The following CLDN14 variants were observed in gnomAD, a reference collection of about 807,000 sequenced individuals.
CLDN14 encodes the protein claudin 14.
CLDN14 carries 2 observed loss-of-function variants against 2.1 expected under a neutral mutation model. That is an observed-to-expected ratio of 0.96 (90% CI 0.39 to 3.01). The LOEUF (loss-of-function observed/expected upper bound fraction) is 3.01. Among genes scored for constraint, CLDN14 ranks in the 30% most tolerant of loss-of-function variants. The pLI is 0.09. For missense variants in CLDN14, 298 were observed against 328.0 expected, an observed-to-expected ratio of 0.91 and a Z score of 0.71; for synonymous variants, 136 against 154.4, an observed-to-expected ratio of 0.88 and a Z score of 0.88.
intron 1 of CLDN14, among the ~76,000 whole-genome samples, chr21:36,541,538 C>A (rs2146510863): frequency 6.6e-6 from 1 of 152,282 alleles, no homozygotes; most frequent in East Asian, 1.9e-4. Flanking sequence ...AAGAAGCATG[C>A]TGGCTTACTC....
chr21:36,470,589 G>C (rs1017197867), intron 1 of CLDN14, among the ~76,000 whole-genome samples: 1 of 152,198 alleles, frequency 6.6e-6, no homozygotes, highest in African/African-American at 2.4e-5. Flanking sequence ...AATTTCTGTT[G>C]TTTCAGGCCT....
intron 1 of CLDN14, among the ~76,000 whole-genome samples, chr21:36,522,628 C>G (rs555331591): frequency 2.0e-5 from 3 of 152,326 alleles, no homozygotes; most frequent in Admixed American, 1.3e-4. Context: ...GGGAGGTAAC[C>G]GGAGAACAGC....
At chr21:36,510,064 C>T (rs1227030221) in intron 2 of CLDN14, among the ~76,000 whole-genome samples, 2 of 152,190 alleles carry the variant, frequency 1.3e-5, no homozygotes, top group Non-Finnish European at 2.9e-5. Context: ...TAAACTCCCA[C>T]GGCCCAGTTA....
intron 1 of CLDN14, among the ~76,000 whole-genome samples, chr21:36,547,207 T>C (rs1265565687): frequency 3.3e-5 from 5 of 152,238 alleles, no homozygotes; most frequent in Admixed American, 6.5e-5. Flanking sequence ...ATTCATGGTA[T>C]ACACGCTGGA....
chr21:36,493,973 G>T (rs2146466520), intron 2 of CLDN14, among the ~76,000 whole-genome samples: 1 of 152,330 alleles, frequency 6.6e-6, no homozygotes. Flanking sequence ...GCCAGGATGG[G>T]TTGGGAATCC....
rs563933564 is a variant in CLDN14 at position 36,466,349 on chromosome 21, G to A, written c.-81-4573C>T. On this transcript the variant is annotated intron_variant, in intron 1 of 1. Transcript: ENST00000399135. ...CGAGACGGGTAATTTATAAAGGAAA[G>A]AGGTTTAATTGACTCACAGTTCCGC... 3 of 152,350 alleles carry A rather than the reference G, an allele frequency of 2.0e-5. No individual in the cohort carries two copies. The South Asian group carries it at 6.2e-4, about 32-fold the overall frequency. The allele number at this position is 152,350 out of a possible 1,614,324, so 9.4% of individuals were successfully genotyped here. A position where few individuals can be genotyped will look rare whatever the true frequency, so the allele number is the denominator to read the frequency against.
At chr21:36,491,153 C>T (rs975330367) in intron 2 of CLDN14, among the ~76,000 whole-genome samples, 2 of 152,178 alleles carry the variant, frequency 1.3e-5, no homozygotes, top group Non-Finnish European at 2.9e-5. Context: ...GTTCAACCCT[C>T]ACCCCAGCAA....
chr21:36,560,650 T>C (rs1363124398), intron 1 of CLDN14, among the ~76,000 whole-genome samples: 2 of 152,246 alleles, frequency 1.3e-5, no homozygotes, highest in Non-Finnish European at 2.9e-5. Context: ...TGGTGTATGA[T>C]CCTTTTTAAT....
chr21:36,478,452 A>G (rs970048625), intron 1 of CLDN14, among the ~76,000 whole-genome samples: 1 of 152,254 alleles, frequency 6.6e-6, no homozygotes, highest in African/African-American at 2.4e-5. Flanking sequence ...GAGATAATAT[A>G]TGTAAAAACT....
intron 1 of CLDN14, among the ~76,000 whole-genome samples, chr21:36,568,532 GC>G: frequency 6.6e-6 from 1 of 152,200 alleles, no homozygotes. Context: ...CAAAGTAACT[GC>G]AAACATGCTT....
At chr21:36,463,977 G>C (rs1395746291) in intron 1 of CLDN14, among the ~76,000 whole-genome samples, 2 of 152,210 alleles carry the variant, frequency 1.3e-5, no homozygotes, top group Admixed American at 1.3e-4. Context: ...GACTGAAGGT[G>C]TGTCCAGGTG....
At chr21:36,520,829 C>T (rs1341893024) in intron 1 of CLDN14, among the ~76,000 whole-genome samples, 1 of 152,056 alleles carries the variant, frequency 6.6e-6, no homozygotes, top group Non-Finnish European at 1.5e-5. Context: ...GATCATCTCT[C>T]TCGAAGGCCA....
intron 1 of CLDN14, among the ~76,000 whole-genome samples, chr21:36,546,068 A>G (rs946720128): frequency 1.2e-4 from 19 of 152,280 alleles, no homozygotes; most frequent in African/African-American, 4.1e-4. Context: ...GAGAGAAATA[A>G]TATTTCTGAG....
upstream of CLDN14, among the ~76,000 whole-genome samples, chr21:36,483,106 G>A (rs1028541616): frequency 6.6e-6 from 1 of 152,204 alleles, no homozygotes. Flanking sequence ...GCCTCACTTC[G>A]TGGGCTCCTA....
intron 1 of CLDN14, among the ~76,000 whole-genome samples, chr21:36,516,475 G>C (rs1441946051): frequency 6.6e-6 from 1 of 152,198 alleles, no homozygotes; most frequent in Admixed American, 6.5e-5. Context: ...ATCTGGATCA[G>C]TTTAAGTAAA....
chr21:36,494,405 A>G lies in CLDN14; in HGVS notation c.-82+15958T>C, dbSNP rs1601609631. On this transcript the variant is annotated intron_variant, in intron 2 of 2. Coordinates refer to the CLDN14 transcript ENST00000342108. ...GGGAGAGGGTCTCACGAGGAGGAGA[A>G]CTAAAGAAGCTCTGTGGTCCCTGCA... Among the ~76,000 whole-genome samples, 8 of 152,214 alleles carry G rather than the reference A, an allele frequency of 5.3e-5. No homozygotes were observed. In the South Asian group the frequency reaches 1.7e-3, roughly 32 times the overall value.
intron 1 of CLDN14, among the ~76,000 whole-genome samples, chr21:36,564,869 C>T (rs1203940808): frequency 6.6e-6 from 1 of 152,186 alleles, no homozygotes; most frequent in East Asian, 1.9e-4. Context: ...CTGTTGCTCA[C>T]TTTGAAGGTG....
At chr21:36,470,162 G>C (rs2086693196) in intron 1 of CLDN14, among the ~76,000 whole-genome samples, 1 of 152,170 alleles carries the variant, frequency 6.6e-6, no homozygotes, top group South Asian at 2.1e-4. Context: ...ACTTTATCTA[G>C]GGGATGCAAT....
intron 2 of CLDN14, among the ~76,000 whole-genome samples, chr21:36,508,712 G>C (rs1419423489): frequency 1.3e-5 from 2 of 152,238 alleles, no homozygotes; most frequent in Admixed American, 1.3e-4. Context: ...CGAGGTTTCT[G>C]TTAGCCAGGG....
Sources: allele counts gnomAD v4.1 joint callset (sites outside exome capture counted in the v4.1 genomes callset), GRCh38; gene constraint gnomAD v4.1.1; transcripts MANE v1.5; gene names NCBI Gene and HGNC (gene_info 2026-07-23, HGNC 2026-07-21).